Variants in FBXW8 observed in about 807,000 individuals in gnomAD.
FBXW8 encodes F-box/WD repeat-containing protein 8.
A neutral mutation model predicts 65.3 loss-of-function variants in FBXW8; 57 were observed. The ratio of observed to expected loss-of-function variants is 0.87; its 90% confidence interval spans 0.71 to 1.09. FBXW8 has a LOEUF of 1.09. Among genes scored for constraint, FBXW8 ranks in the 50% least tolerant of loss-of-function variants. The probability of loss-of-function intolerance (pLI) is 0.00; values close to 1 mark genes in which losing one functional copy is unlikely to be tolerated. For synonymous variants in FBXW8, 308 were observed against 330.2 expected (o/e 0.93, Z 0.73); for missense variants, 777 against 814.8 (o/e 0.95, Z 0.57).
intron 7 of FBXW8, among the ~76,000 whole-genome samples, chr12:117,004,352 C>A (rs1289674315): frequency 2.0e-5 from 3 of 152,106 alleles, no homozygotes; most frequent in South Asian, 2.1e-4. Flanking sequence ...CCTTGTTTTT[C>A]TGTCTCACAT....
chr12:116,956,367 A>G (rs764734488), intron 4 of FBXW8, among the ~76,000 whole-genome samples: 5 of 152,182 alleles, frequency 3.3e-5, no homozygotes, highest in Admixed American at 6.5e-5. Flanking sequence ...TTTTGAGGCA[A>G]GTGTGCCCAA....
At chr12:117,007,459 T>A (rs1194599182) in intron 7 of FBXW8, among the ~76,000 whole-genome samples, 1 of 152,244 alleles carries the variant, frequency 6.6e-6, no homozygotes, top group Non-Finnish European at 1.5e-5. Flanking sequence ...TTTAGCTAAT[T>A]CTTACAGAAA....
intron 2 of FBXW8, among the ~76,000 whole-genome samples, chr12:116,931,464 G>T (rs1881765552): frequency 6.6e-6 from 1 of 151,976 alleles, no homozygotes; most frequent in Non-Finnish European, 1.5e-5. Context: ...CTCACTTTGA[G>T]TAGTATGGAC....
At chr12:116,982,878 T>C (rs1212359771) in intron 5 of FBXW8, among the ~76,000 whole-genome samples, 1 of 152,166 alleles carries the variant, frequency 6.6e-6, no homozygotes, top group African/African-American at 2.4e-5. Flanking sequence ...CTCATTGAGC[T>C]CATAGTTATT....
intron 5 of FBXW8, among the ~76,000 whole-genome samples, chr12:116,976,616 G>A (rs548018449): frequency 2.6e-4 from 33 of 127,914 alleles, no homozygotes; most frequent in Middle Eastern, 3.8e-3. Context: ...CCACCACACC[G>A]GCTAATTTTT....
intron 4 of FBXW8, among the ~76,000 whole-genome samples, chr12:116,958,237 C>T (rs11609741): frequency 0.11 from 16,708 of 152,256 alleles, 1,114 homozygotes; most frequent in Middle Eastern, 0.22. Flanking sequence ...TTGTTAATTG[C>T]ATAATACAAC....
intron 5 of FBXW8, among the ~76,000 whole-genome samples, chr12:116,976,964 A>G (rs542345627): frequency 6.6e-5 from 10 of 152,302 alleles, no homozygotes; most frequent in Admixed American, 4.6e-4. Context: ...CTCCGTCTCT[A>G]TTGGGCTCTT....
intron 5 of FBXW8, 52 bp from the exon 6 acceptor site, chr12:116,985,154 A>G: frequency 6.8e-7 from 1 of 1,470,940 alleles, no homozygotes; most frequent in Non-Finnish European, 9.1e-7. Flanking sequence ...AAAATAATTG[A>G]ACATATTAAG....
chr12:117,014,894 A>G (rs1953911847), intron 8 of FBXW8, among the ~76,000 whole-genome samples: 1 of 152,026 alleles, frequency 6.6e-6, no homozygotes, highest in African/African-American at 2.4e-5. Flanking sequence ...CTCAATCCTT[A>G]CACTTTCCAG....
rs143176794 is a variant in FBXW8, at chr12:116,966,310, G to C, written c.835+1456G>C. Among the ~76,000 whole-genome samples, 23 of 152,262 alleles carry C rather than the reference G, an allele frequency of 1.5e-4. No homozygotes were observed. In the East Asian group the frequency reaches 3.7e-3, roughly 24 times the overall value. ...CCAAAATACCTATGCAAAGATTGCA[G>C]TACTTTTAAGTTAGAATCATATAGT... is the stretch of plus-strand genomic sequence containing the variant. On this transcript the variant is annotated intron_variant, in intron 5 of 10. Coordinates refer to ENST00000652555, the MANE Select transcript of FBXW8 (RefSeq NM_153348.3).
At chr12:116,925,237 AGT>A (rs947244888) in intron 1 of FBXW8, among the ~76,000 whole-genome samples, 1 of 150,214 alleles carries the variant, frequency 6.7e-6, no homozygotes, top group Non-Finnish European at 1.5e-5. Context: ...AGGCTGCCTT[AGT>A]GGGGTGGGAG....
chr12:116,958,233 A>G (rs142911039), intron 4 of FBXW8, among the ~76,000 whole-genome samples: 1,550 of 152,316 alleles, frequency 0.01, 21 homozygotes, highest in Non-Finnish European at 0.011. Context: ...CATTTTGTTA[A>G]TTGCATAATA....
intron 7 of FBXW8, among the ~76,000 whole-genome samples, chr12:116,999,981 ATTT>A (rs71099027): frequency 7.8e-6 from 1 of 128,794 alleles, no homozygotes; most frequent in African/African-American, 2.9e-5. Flanking sequence ...TCTGCATCTC[ATTT>A]TTTTTTTTTT....
chr12:116,942,174 A>G (rs1417181174), intron 2 of FBXW8, among the ~76,000 whole-genome samples: 1 of 150,774 alleles, frequency 6.6e-6, no homozygotes, highest in Non-Finnish European at 1.5e-5. Flanking sequence ...GACTACAGGC[A>G]CACACCATCA....
At chr12:116,913,407 G>A (rs1057009224) in intron 1 of FBXW8, among the ~76,000 whole-genome samples, 24 of 152,294 alleles carry the variant, frequency 1.6e-4, no homozygotes, top group Admixed American at 1.6e-3. Flanking sequence ...ACTTAACTAC[G>A]AATAGCCTAC....
intron 8 of FBXW8, among the ~76,000 whole-genome samples, chr12:117,017,672 G>C (rs1300516666): frequency 6.6e-6 from 1 of 151,944 alleles, no homozygotes; most frequent in Non-Finnish European, 1.5e-5. Context: ...AAATTAATTT[G>C]GTCATAAAAA....
chr12:117,001,542 A>G (rs779260742), intron 7 of FBXW8, among the ~76,000 whole-genome samples: 3 of 152,206 alleles, frequency 2.0e-5, no homozygotes, highest in Non-Finnish European at 2.9e-5. Flanking sequence ...CATTTTCAAA[A>G]TAGTATGCAA....
intron 4 of FBXW8, chr12:116,951,045 G>A (rs1883242108): frequency 6.6e-6 from 1 of 152,198 alleles, no homozygotes. Context: ...TTTCTTCTCT[G>A]GAGCTCCCGA....
intron 2 of FBXW8, among the ~76,000 whole-genome samples, chr12:116,943,710 C>T (rs573095289): frequency 4.6e-5 from 7 of 152,226 alleles, no homozygotes; most frequent in African/African-American, 9.6e-5. Context: ...TATACATTCA[C>T]GTGGCATTCC....
Sources: gnomAD v4.1 joint callset for allele counts (sites outside exome capture counted in the v4.1 genomes callset) on GRCh38, gnomAD v4.1.1 for gene constraint, MANE v1.5 for transcripts, NCBI Gene and HGNC (gene_info 2026-07-23, HGNC 2026-07-21) for gene names.